CAB39L: variants seen among roughly 807,000 people sequenced by gnomAD.
CAB39L encodes calcium binding protein 39 like.
Under a neutral mutation model 39.1 loss-of-function variants are expected in CAB39L, and 23 were observed. The observed-to-expected ratio is 0.59, with a 90% CI of 0.42 to 0.83. CAB39L has a LOEUF of 0.83. CAB39L is among the 40% of genes least tolerant of loss of function. CAB39L has a pLI of 0.00. For missense variants in CAB39L, 366 were observed against 391.9 expected, an observed-to-expected ratio of 0.93 and a Z score of 0.56; for synonymous variants, 126 against 137.2, an observed-to-expected ratio of 0.92 and a Z score of 0.57.
chr13:49,324,285 C>G (rs575352623), intron 10 of CAB39L, among the ~76,000 whole-genome samples: 2 of 151,898 alleles, frequency 1.3e-5, no homozygotes, highest in Non-Finnish European at 2.9e-5. Flanking sequence ...CCACTGCACT[C>G]AAGCCTGGGT....
intron 10 of CAB39L, among the ~76,000 whole-genome samples, chr13:49,329,544 AATATATATATATATATATATATATAT>A (rs1179579885): frequency 0.013 from 436 of 33,808 alleles, 28 homozygotes; most frequent in African/African-American, 0.016. Flanking sequence ...TAAAAAAAAA[AATATATATATATATATATATATATAT>A]ATATATATAT....
intron 10 of CAB39L, among the ~76,000 whole-genome samples, chr13:49,328,700 AAGGGC>A (rs1954575665): frequency 6.6e-6 from 1 of 152,052 alleles, no homozygotes; most frequent in Admixed American, 6.5e-5. Flanking sequence ...TGGGCATGGT[AAGGGC>A]AGGCCTACAA....
At chr13:49,424,970 T>C (rs1272383117) in intron 3 of CAB39L, among the ~76,000 whole-genome samples, 1 of 152,098 alleles carries the variant, frequency 6.6e-6, no homozygotes, top group Admixed American at 6.5e-5. Context: ...AAAGCTACGA[T>C]TGACAAAATC....
intron 6 of CAB39L, among the ~76,000 whole-genome samples, chr13:49,358,177 A>G (rs1359656168): frequency 6.6e-6 from 1 of 152,228 alleles, no homozygotes; most frequent in Non-Finnish European, 1.5e-5. Context: ...AGATGATACA[A>G]GGATCTTTCC....
intron 3 of CAB39L, among the ~76,000 whole-genome samples, chr13:49,415,989 G>A (rs745444136): frequency 3.3e-5 from 5 of 152,218 alleles, no homozygotes; most frequent in Admixed American, 6.5e-5. Flanking sequence ...GGTTTTCATT[G>A]TGTTTTTTGT....
intron 5 of CAB39L, among the ~76,000 whole-genome samples, chr13:49,366,548 A>C (rs1297973142): frequency 6.8e-6 from 1 of 147,736 alleles, no homozygotes; most frequent in African/African-American, 2.5e-5. Context: ...AATCGCTTCA[A>C]CCCAGGAGGC....
chr13:49,348,394 C>T (rs1001770715), intron 7 of CAB39L, among the ~76,000 whole-genome samples: 4 of 152,118 alleles, frequency 2.6e-5, no homozygotes, highest in Non-Finnish European at 4.4e-5. Flanking sequence ...ATGGCAAAAC[C>T]CCCTCTCTAC....
At chr13:49,323,387 A>G (rs1329533326) in intron 10 of CAB39L, among the ~76,000 whole-genome samples, 3 of 152,160 alleles carry the variant, frequency 2.0e-5, no homozygotes, top group African/African-American at 7.2e-5. Context: ...TGTACTTTTC[A>G]TCACTGAGCT....
chr13:49,387,966 T>C (rs1404482554), intron 3 of CAB39L, among the ~76,000 whole-genome samples: 1 of 152,192 alleles, frequency 6.6e-6, no homozygotes, highest in Non-Finnish European at 1.5e-5. Flanking sequence ...TGAGCACTTA[T>C]AATGTACTAG....
rs150565581 is a variant in CAB39L, at chr13:49,326,927, G to A, written c.834+5020C>T. On this transcript the variant is annotated intron_variant, in intron 10 of 10. Transcript: ENST00000409308. ...AAGTTCTGTGGGAGCTGAATGATAT[G>A]ATACACAGCCTTCTACAATTCCTTC... Among the ~76,000 whole-genome samples, 491 of 152,266 alleles carry A rather than the reference G, an allele frequency of 3.2e-3. 1 individual carries two copies. The highest frequency in any genetic ancestry group is 0.011 in the African/African-American group (444 of 41,554).
chr13:49,325,791 A>AAAAT (rs71734881), intron 10 of CAB39L, among the ~76,000 whole-genome samples: 13,237 of 151,960 alleles, frequency 0.087, 1,040 homozygotes, highest in East Asian at 0.45. Context: ...TTCCATCTCA[A>AAAAT]AAATAAATAC....
intron 3 of CAB39L, among the ~76,000 whole-genome samples, chr13:49,414,742 T>C (rs1311418628): frequency 6.6e-6 from 1 of 152,132 alleles, no homozygotes; most frequent in African/African-American, 2.4e-5. Flanking sequence ...ACAACAAAAT[T>C]TTAACAGTAA....
intron 10 of CAB39L, among the ~76,000 whole-genome samples, chr13:49,313,277 C>T (rs370232995): frequency 6.2e-4 from 94 of 152,152 alleles, no homozygotes; most frequent in South Asian, 6.2e-4. Context: ...GTCAGGAGAT[C>T]GAGACCATCC....
At chr13:49,361,364 G>C (rs374323782) in intron 5 of CAB39L, among the ~76,000 whole-genome samples, 377 of 150,440 alleles carry the variant, frequency 2.5e-3, no homozygotes, top group African/African-American at 6.8e-3. Flanking sequence ...TGTAGTCCCA[G>C]CTACTTGGGA....
chr13:49,405,770 A>AGAGG (rs756720474), intron 3 of CAB39L, among the ~76,000 whole-genome samples: 42 of 69,774 alleles, frequency 6.0e-4, no homozygotes, highest in African/African-American at 4.1e-4. Context: ...ACGGAGGGAC[A>AGAGG]GAGGGAGGGA....
intron 6 of CAB39L, among the ~76,000 whole-genome samples, chr13:49,355,050 T>C (rs565855155): frequency 1.3e-5 from 2 of 152,262 alleles, no homozygotes; most frequent in South Asian, 4.1e-4. Context: ...CAAGAACGTA[T>C]GTTTCTAATC....
At chr13:49,346,629 G>A (rs1955185695) in intron 7 of CAB39L, among the ~76,000 whole-genome samples, 1 of 152,294 alleles carries the variant, frequency 6.6e-6, no homozygotes, top group East Asian at 1.9e-4. Flanking sequence ...ATAAAAGGCT[G>A]AGGAGCCAGC....
chr13:49,392,353 AC>A (rs1956506583), intron 3 of CAB39L, among the ~76,000 whole-genome samples: 1 of 151,318 alleles, frequency 6.6e-6, no homozygotes, highest in Non-Finnish European at 1.5e-5. Context: ...TTGAAAGGAA[AC>A]AGAGGAACAG....
intron 3 of CAB39L, among the ~76,000 whole-genome samples, chr13:49,413,405 T>C (rs1957030300): frequency 1.3e-5 from 2 of 152,154 alleles, no homozygotes; most frequent in African/African-American, 2.4e-5. Flanking sequence ...AATGGGAATT[T>C]AGATGCACTT....
Sources: gnomAD v4.1 joint callset for allele counts (sites outside exome capture counted in the v4.1 genomes callset) on GRCh38, gnomAD v4.1.1 for gene constraint, MANE v1.5 for transcripts, NCBI Gene and HGNC (gene_info 2026-07-23, HGNC 2026-07-21) for gene names.